WDR19: variants seen among roughly 807,000 people sequenced by gnomAD.
WDR19 encodes the protein WD repeat-containing protein 19.
A neutral mutation model predicts 180.0 loss-of-function variants in WDR19; 121 were observed. The observed-to-expected ratio is 0.67, with a 90% CI of 0.58 to 0.78. The LOEUF (loss-of-function observed/expected upper bound fraction) is 0.78. WDR19 is among the 30% of genes least tolerant of loss of function. The pLI is 0.00. For missense variants in WDR19, 1,450 were observed against 1,640.7 expected (o/e 0.88, Z 2.01); for synonymous variants, 497 against 540.7 (o/e 0.92, Z 1.12).
chr4:39,215,960 A>G lies in WDR19; in HGVS notation c.1081A>G (p.Ile361Val), dbSNP rs1420677893. Residue 361 changes from isoleucine (I) to valine (V), a missense_variant, in exon 11 of 37, where the codon ATT becomes GTT. Physicochemically the swap from Ile to Val is conservative, Grantham distance 29. Coordinates refer to ENST00000399820, the MANE Select transcript of WDR19 (RefSeq NM_025132.4). ...PILGDACSTR[I>V]AYLTSLLEVT... is the part of the protein sequence containing the mutation. ...ACTTGGGGATGCCTGCAGCACAAGG[A>G]TTGCCTATCTCACCTCCCTCCTTGA... 6.2e-7 allele frequency: 1 copy of G among 1,612,972 alleles called. No individual in the cohort carries two copies. The highest frequency in any genetic ancestry group is 8.5e-7 in the Non-Finnish European group (1 of 1,179,504).
At chr4:39,244,218 G>C in intron 21 of WDR19, 30 bp from the exon 22 acceptor site, 1 of 1,602,442 alleles carries the variant, frequency 6.2e-7, no homozygotes, top group Non-Finnish European at 8.5e-7. Flanking sequence ...GCTAGAATCT[G>C]ATTTGTTAGT....
Position 39,203,734 on chromosome 4 carries a change from A to C in WDR19, c.603+12A>C. The C allele has an allele frequency of 6.2e-7, 1 of 1,605,734 alleles. No homozygotes were observed. The stretch of plus-strand genomic sequence containing the variant: ...CTGCTGAAAGCATGGTAAGAATTCT[A>C]ATCAAATCCACGTGCAAATCATTTG... On this transcript the variant is annotated intron_variant, in intron 7 of 36. Transcript: ENST00000399820.
In WDR19 at chr4:39,253,929, A is replaced by G. The variant is rs747311068; in HGVS notation, c.2900A>G (p.Tyr967Cys). ...VARFFLQLGD[Y>C]GSAIQFLVMS... is the part of the protein sequence containing the mutation. ...AGGTTTTTTCTACAGCTTGGTGACT[A>G]TGGGTCTGCCATCCAGTTTCTTGTC... Residue 967 changes from tyrosine to cysteine, a missense_variant, in exon 26 of 37, where the codon TAT (tyrosine) becomes TGT (cysteine). Tyr to Cys is a radical substitution (Grantham distance 194). Coordinates refer to ENST00000399820, the MANE Select transcript of WDR19 (RefSeq NM_025132.4). 1.9e-6 allele frequency: 3 copies of G among 1,608,458 alleles called. No individual in the cohort carries two copies. The highest frequency in any genetic ancestry group is 1.7e-6 in the Non-Finnish European group (2 of 1,176,264).
chr4:39,274,631 C>T (rs935587120), intron 32 of WDR19, 177 bp from the exon 33 acceptor site: 4 of 674,760 alleles, frequency 5.9e-6, no homozygotes, highest in Non-Finnish European at 9.7e-6. Context: ...GGGCAGTTAG[C>T]CTGACCCCAC....
intron 28 of WDR19, among the ~76,000 whole-genome samples, chr4:39,260,071 A>G: frequency 6.7e-6 from 1 of 149,702 alleles, no homozygotes; most frequent in Admixed American, 6.7e-5. Flanking sequence ...CTCTCTCTTC[A>G]ACTCTATATC....
intron 24 of WDR19, among the ~76,000 whole-genome samples, chr4:39,249,395 A>G (rs1732890310): frequency 6.6e-6 from 1 of 152,116 alleles, no homozygotes; most frequent in South Asian, 2.1e-4. Flanking sequence ...GAAAGCAGGA[A>G]AGATCTAAAA....
intron 2 of WDR19, 150 bp from the exon 3 acceptor site, chr4:39,186,389 G>A (rs1371488227): frequency 2.3e-6 from 1 of 427,714 alleles, no homozygotes; most frequent in East Asian, 4.8e-5. Context: ...TGAGGCAGGG[G>A]AATCGCTTGA....
intron 30 of WDR19, 60 bp from the exon 31 acceptor site, chr4:39,269,916 C>T (rs184919965): frequency 3.2e-6 from 5 of 1,583,910 alleles, no homozygotes; most frequent in African/African-American, 2.7e-5. Context: ...GATGGGGGTC[C>T]ATAGAATGTC....
At chr4:39,182,620 G>A in intron 1 of WDR19, 57 bp downstream of exon 1, 2 of 1,611,990 alleles carry the variant, frequency 1.2e-6, no homozygotes, top group South Asian at 2.2e-5. Context: ...CTGGCCCTTG[G>A]TCGCTTTTAA....
At chr4:39,183,249 G>GTTTTTTTTTTTTTTT (rs1345010491) in intron 1 of WDR19, among the ~76,000 whole-genome samples, 2 of 22,718 alleles carry the variant, frequency 8.8e-5, no homozygotes, top group Admixed American at 6.3e-4. Flanking sequence ...GAAATGGAAG[G>GTTTTTTTTTTTTTTT]CTTTTTTTTT....
At chr4:39,224,736 A>G (rs568608979) in intron 14 of WDR19, 148 bp from the exon 15 acceptor site, 22 of 718,892 alleles carry the variant, frequency 3.1e-5, no homozygotes, top group Middle Eastern at 4.2e-4. Flanking sequence ...TACCTTTCAC[A>G]TATACTAAAT....
intron 28 of WDR19, among the ~76,000 whole-genome samples, chr4:39,260,321 C>T (rs758181110): frequency 1.3e-4 from 19 of 144,298 alleles, no homozygotes; most frequent in Non-Finnish European, 2.5e-4. Context: ...AGCAGTAGGG[C>T]CACATCTTTT....
intron 5 of WDR19, among the ~76,000 whole-genome samples, chr4:39,198,374 T>C (rs1421026185): frequency 6.8e-6 from 1 of 146,078 alleles, no homozygotes; most frequent in African/African-American, 2.5e-5. Context: ...CTGGCTAACA[T>C]GGTGAAACCC....
chr4:39,268,365 C>T (rs1578035735), intron 30 of WDR19, among the ~76,000 whole-genome samples: 2 of 152,308 alleles, frequency 1.3e-5, no homozygotes, highest in Admixed American at 1.3e-4. Flanking sequence ...TGAATGATGT[C>T]TCCTCTCACC....
intron 28 of WDR19, among the ~76,000 whole-genome samples, chr4:39,258,504 A>C (rs1733975732): frequency 6.6e-6 from 1 of 152,130 alleles, no homozygotes; most frequent in Admixed American, 6.6e-5. Flanking sequence ...ATATGACTGT[A>C]CTACAATTTA....
intron 30 of WDR19, among the ~76,000 whole-genome samples, 165 bp downstream of exon 30, chr4:39,268,256 A>G (rs1416803841): frequency 1.3e-5 from 2 of 152,186 alleles, no homozygotes; most frequent in African/African-American, 2.4e-5. Context: ...GGGGTTAAAC[A>G]ATGTACTATC....
In WDR19 at chr4:39,238,862, A is replaced by G. The variant is rs1478807662; in HGVS notation, c.2364-1415A>G. Among the ~76,000 whole-genome samples, 9 of 152,336 alleles carry G rather than the reference A, an allele frequency of 5.9e-5. No homozygotes were observed. In the East Asian group the frequency reaches 1.7e-3, roughly 29 times the overall value. ...TAGAGGAAGATAGATCCCAAAAAGT[A>G]TCTCAGGCAAATCACTGATTCATTC... is the stretch of plus-strand genomic sequence containing the variant. On this transcript the variant is annotated intron_variant, in intron 20 of 36. Coordinates refer to ENST00000399820, the MANE Select transcript of WDR19 (RefSeq NM_025132.4).
In WDR19 at chr4:39,235,856, T is replaced by C. The variant is rs886836306; in HGVS notation, c.2363+981T>C. ...TAGACATTTTTCAAAAGAAGACATA[T>C]AAGCAGCCAACAAAAATATGAAAAA... is the stretch of plus-strand genomic sequence containing the variant. On this transcript the variant is annotated intron_variant, in intron 20 of 36. Coordinates refer to ENST00000399820, the MANE Select transcript of WDR19 (RefSeq NM_025132.4). Among the ~76,000 whole-genome samples, 12 of 151,904 alleles carry C rather than the reference T, an allele frequency of 7.9e-5. No homozygotes were observed. In the South Asian group the frequency reaches 1.9e-3, roughly 24 times the overall value.
chr4:39,228,974 G>A (rs1311046508), intron 17 of WDR19, among the ~76,000 whole-genome samples: 1 of 152,040 alleles, frequency 6.6e-6, no homozygotes, highest in African/African-American at 2.4e-5. Flanking sequence ...GCCTTTTGGA[G>A]TTGCCAGTAT....
Sources: gnomAD v4.1 joint callset for allele counts (sites outside exome capture counted in the v4.1 genomes callset) on GRCh38, gnomAD v4.1.1 for gene constraint, MANE v1.5 for transcripts, NCBI Gene and HGNC (gene_info 2026-07-23, HGNC 2026-07-21) for gene names.